The following MYT1L variants were observed in gnomAD, a reference collection of about 807,000 sequenced individuals.
MYT1L encodes myelin transcription factor 1-like protein.
Under a neutral mutation model 126.7 loss-of-function variants are expected in MYT1L, and 12 were observed. The ratio of observed to expected loss-of-function variants is 0.09; its 90% CI spans 0.06 to 0.15. The LOEUF (loss-of-function observed/expected upper bound fraction) is 0.15. MYT1L is among the 10% of genes least tolerant of loss of function. MYT1L has a pLI of 1.00. For missense variants in MYT1L, 979 were observed against 1,585.2 expected (o/e 0.62, Z 6.49); for synonymous variants, 541 against 604.2 (o/e 0.90, Z 1.53).
chr2:2,003,590 G>A (rs1161551197), intron 4 of MYT1L, among the ~76,000 whole-genome samples: 1 of 152,164 alleles, frequency 6.6e-6, no homozygotes, highest in Non-Finnish European at 1.5e-5. Context: ...TGGGGTGGGT[G>A]CCTTGGCACC....
At chr2:2,192,853 G>C (rs1389051327) in intron 2 of MYT1L, among the ~76,000 whole-genome samples, 1 of 152,162 alleles carries the variant, frequency 6.6e-6, no homozygotes, top group Non-Finnish European at 1.5e-5. Context: ...TCTAGCCAAC[G>C]AGTCAAGGCT....
intron 3 of MYT1L, among the ~76,000 whole-genome samples, chr2:2,094,041 T>C (rs2150406338): frequency 6.6e-6 from 1 of 152,326 alleles, no homozygotes; most frequent in East Asian, 1.9e-4. Context: ...TTCTGTTCCA[T>C]TGGTCTATAT....
chr2:1,936,885 C>G (rs2055962537), intron 9 of MYT1L, among the ~76,000 whole-genome samples: 1 of 152,166 alleles, frequency 6.6e-6, no homozygotes, highest in Non-Finnish European at 1.5e-5. Context: ...CCAGGATGCT[C>G]TAGCAACTTG....
Position 1,922,201 on chromosome 2 carries a change from C to G in MYT1L, c.1483+85G>C, listed in dbSNP as rs767612692. On this transcript the variant is annotated intron_variant, in intron 10 of 24. Coordinates refer to ENST00000647738, the MANE Select transcript of MYT1L (RefSeq NM_001303052.2). This position sits in a 1 kb window ranked among gnomAD's most constrained non-coding sequence, Gnocchi z 7.4. ...AGTAGAGACATAATTCAGTGTGAGT[C>G]ACACTTTAACTGTAGACTACCACCA... The G allele has an allele frequency of 6.6e-7, 1 of 1,516,904 alleles. No homozygotes were observed. Among genetic ancestry groups the G allele is most frequent in the South Asian group, 1.3e-5 (1 of 77,082 alleles). 94.0% of individuals were successfully genotyped at this position (1,516,904 alleles called of 1,614,324 possible).
intron 3 of MYT1L, among the ~76,000 whole-genome samples, chr2:2,071,167 CCTGA>C (rs2074551600): frequency 6.6e-6 from 1 of 152,090 alleles, no homozygotes; most frequent in Admixed American, 6.5e-5. Context: ...CCTCATAAAT[CCTGA>C]CTAACTGGGG....
chr2:1,938,596 G>A (rs914431612), intron 9 of MYT1L, among the ~76,000 whole-genome samples: 2 of 152,114 alleles, frequency 1.3e-5, no homozygotes, highest in African/African-American at 4.8e-5. Context: ...AGGTGATCAG[G>A]AGAACACGAG....
intron 4 of MYT1L, among the ~76,000 whole-genome samples, chr2:2,038,931 C>T (rs539005935): frequency 1.3e-5 from 2 of 152,256 alleles, no homozygotes; most frequent in South Asian, 2.1e-4. Flanking sequence ...CCCTCCTCCT[C>T]GGTGTTCGTG....
chr2:1,805,300 C>G lies in MYT1L; in HGVS notation c.3173-3501G>C, dbSNP rs73913412. Among the ~76,000 whole-genome samples, 1,190 of 152,346 alleles carry G rather than the reference C, an allele frequency of 7.8e-3. 13 individuals carry two copies. Among genetic ancestry groups the G allele is most frequent in the African/African-American group, 0.028 (1,152 of 41,568 alleles). ...AAGAGAAAGCGCTAAAATCCAGTGC[C>G]AGGGTCCTTCTTGGCCGAGTCAGTG... is the stretch of plus-strand genomic sequence containing the variant. On this transcript the variant is annotated intron_variant, in intron 22 of 24. Transcript: ENST00000647738.
At chr2:2,181,367 A>C (rs2091504267) in intron 2 of MYT1L, among the ~76,000 whole-genome samples, 1 of 152,142 alleles carries the variant, frequency 6.6e-6, no homozygotes, top group East Asian at 1.9e-4. Flanking sequence ...TCTCTGACAC[A>C]CAGAAACTTC....
At chr2:2,186,986 T>C (rs937144641) in intron 2 of MYT1L, among the ~76,000 whole-genome samples, 4 of 151,958 alleles carry the variant, frequency 2.6e-5, no homozygotes, top group Non-Finnish European at 5.9e-5. Flanking sequence ...GAAAACAAAA[T>C]AAAGAATTTT....
chr2:1,892,076 C>G lies in MYT1L; in HGVS notation c.2244G>C (p.Gln748His). The G allele has an allele frequency of 6.5e-7, 1 of 1,541,430 alleles. No homozygotes were observed. ...GGTCCTGCGGCTTGGTGCTCAGGTT[C>G]TGCGGCATCTCGCGGCAGCGCGTGG... ...NLSTRCREMP[Q>H]NLSTKPQDLC... The change falls in exon 15 of 25, where the codon CAG (glutamine) becomes CAC (histidine). Residue 748 changes from glutamine to histidine, a missense_variant. Transcript: ENST00000647738.
chr2:1,896,538 C>T (rs909160386), intron 14 of MYT1L, among the ~76,000 whole-genome samples: 2 of 152,188 alleles, frequency 1.3e-5, no homozygotes, highest in Non-Finnish European at 2.9e-5. Context: ...ATGTCATTTG[C>T]AGTAACATGG....
chr2:1,973,757 C>T (rs2059970823), intron 8 of MYT1L, among the ~76,000 whole-genome samples: 1 of 152,212 alleles, frequency 6.6e-6, no homozygotes, highest in African/African-American at 2.4e-5. Context: ...AAATGCTGAG[C>T]CTCCAGGCCT....
At chr2:2,198,680 A>C (rs561763743) in intron 2 of MYT1L, among the ~76,000 whole-genome samples, 1 of 152,150 alleles carries the variant, frequency 6.6e-6, no homozygotes, top group African/African-American at 2.4e-5. Flanking sequence ...AACATGGTGA[A>C]ACCCCATCTC....
chr2:1,950,821 C>G (rs938300201), intron 8 of MYT1L, among the ~76,000 whole-genome samples: 9 of 152,160 alleles, frequency 5.9e-5, no homozygotes, highest in Non-Finnish European at 5.9e-5. Context: ...ACAGTTGACT[C>G]AAGCCTGCAA....
At chr2:1,832,637 C>T (rs1353430893) in intron 21 of MYT1L, among the ~76,000 whole-genome samples, 1 of 152,198 alleles carries the variant, frequency 6.6e-6, no homozygotes, top group Non-Finnish European at 1.5e-5. Flanking sequence ...TCTGCCTGCC[C>T]GTCCATTCCA....
intron 3 of MYT1L, among the ~76,000 whole-genome samples, chr2:2,156,867 G>C (rs554805594): frequency 6.6e-6 from 1 of 152,362 alleles, no homozygotes; most frequent in East Asian, 1.9e-4. Flanking sequence ...CATCGGGGAG[G>C]TCTCGAGGGA....
intron 18 of MYT1L, among the ~76,000 whole-genome samples, chr2:1,880,777 AG>A (rs1250790234): frequency 6.6e-6 from 1 of 152,200 alleles, no homozygotes; most frequent in Non-Finnish European, 1.5e-5. Context: ...TTTTGCACAA[AG>A]AACCTCTCCA....
intron 22 of MYT1L, among the ~76,000 whole-genome samples, chr2:1,808,604 G>T (rs936820079): frequency 2.6e-5 from 4 of 152,194 alleles, no homozygotes; most frequent in African/African-American, 9.7e-5. Flanking sequence ...TTGGTGACAA[G>T]AGAGACCCTC....
Sources: gnomAD v4.1 joint callset for allele counts (sites outside exome capture counted in the v4.1 genomes callset) on GRCh38, gnomAD v4.1.1 for gene constraint, Gnocchi (gnomAD v3.1) non-coding constraint, MANE v1.5 for transcripts, NCBI Gene and HGNC (gene_info 2026-07-23, HGNC 2026-07-21) for gene names.